CHN1: variants seen among roughly 807,000 people sequenced by gnomAD.
CHN1 encodes chimerin 1.
In CHN1, 37 loss-of-function variants were observed where a neutral mutation model predicts 59.5. That is an observed-to-expected ratio of 0.62 (90% CI 0.48 to 0.82). The LOEUF (loss-of-function observed/expected upper bound fraction) is 0.82, where lower values mean the gene tolerates loss of function less well. Ranked by LOEUF, CHN1 falls within the 40% of genes least tolerant of loss-of-function variation. The pLI is 0.00. For missense variants in CHN1, 469 were observed against 571.0 expected (o/e 0.82, Z 1.82); for synonymous variants, 206 against 200.4 (o/e 1.03, Z -0.24).
chr2:174,953,484 T>A (rs1299071508), intron 1 of CHN1, among the ~76,000 whole-genome samples: 2 of 152,184 alleles, frequency 1.3e-5, no homozygotes, highest in Non-Finnish European at 2.9e-5. Context: ...TAAGTCAAAC[T>A]GTTGTTGTTT....
At chr2:174,936,337 T>C (rs1689494298) in intron 3 of CHN1, among the ~76,000 whole-genome samples, 1 of 152,236 alleles carries the variant, frequency 6.6e-6, no homozygotes, top group South Asian at 2.1e-4. Context: ...TGTTTAATAA[T>C]GGTCCAGTGC....
intron 7 of CHN1, among the ~76,000 whole-genome samples, chr2:174,841,271 G>A (rs1686291614): frequency 6.6e-6 from 1 of 152,114 alleles, no homozygotes; most frequent in South Asian, 2.1e-4. Context: ...CAAACCATAA[G>A]GCCAGGCAGG....
intron 6 of CHN1, among the ~76,000 whole-genome samples, chr2:174,872,814 C>T (rs1004719162): frequency 6.6e-6 from 1 of 152,136 alleles, no homozygotes; most frequent in Non-Finnish European, 1.5e-5. Flanking sequence ...CAGGAATGGG[C>T]ACCTGGTTGG....
chr2:174,869,513 G>A (rs1481505654), intron 6 of CHN1, among the ~76,000 whole-genome samples: 1 of 152,062 alleles, frequency 6.6e-6, no homozygotes, highest in East Asian at 1.9e-4. Context: ...GGGTCTGGGT[G>A]GGGGTAAGAT....
At chr2:174,938,627 A>G (rs1689568998) in intron 3 of CHN1, among the ~76,000 whole-genome samples, 1 of 152,216 alleles carries the variant, frequency 6.6e-6, no homozygotes, top group South Asian at 2.1e-4. Flanking sequence ...TAATTTCCAA[A>G]GTAAAGACAT....
intron 1 of CHN1, among the ~76,000 whole-genome samples, chr2:174,953,779 A>G (rs1690101338): frequency 6.6e-6 from 1 of 152,238 alleles, no homozygotes; most frequent in South Asian, 2.1e-4. Context: ...AACACTACTG[A>G]AAGAAATCAT....
intron 3 of CHN1, among the ~76,000 whole-genome samples, chr2:174,927,926 G>C (rs1689224270): frequency 6.6e-6 from 1 of 151,784 alleles, no homozygotes; most frequent in Non-Finnish European, 1.5e-5. Flanking sequence ...TTTTTTTTCA[G>C]GTAACAGTCT....
intron 5 of CHN1, among the ~76,000 whole-genome samples, chr2:174,912,255 T>C (rs1189507317): frequency 1.3e-5 from 2 of 152,248 alleles, no homozygotes; most frequent in Non-Finnish European, 2.9e-5. Flanking sequence ...AATATGTATT[T>C]GATACGAAGT....
intron 11 of CHN1, among the ~76,000 whole-genome samples, chr2:174,807,116 G>A (rs1684907871): frequency 6.6e-6 from 1 of 152,176 alleles, no homozygotes; most frequent in Non-Finnish European, 1.5e-5. Flanking sequence ...GATGACAAAT[G>A]ATTTGGAAGG....
chr2:175,002,212 G>A (rs1029419949), intron 1 of CHN1, among the ~76,000 whole-genome samples: 2 of 152,220 alleles, frequency 1.3e-5, no homozygotes, highest in African/African-American at 2.4e-5. Flanking sequence ...ATAATGAGAT[G>A]TGAGTTCATT....
chr2:174,932,719 G>A (rs1391131282), intron 3 of CHN1, among the ~76,000 whole-genome samples: 6 of 152,118 alleles, frequency 3.9e-5, no homozygotes, highest in Non-Finnish European at 7.4e-5. Flanking sequence ...GAGTTCTCAC[G>A]AGATTTGGTT....
chr2:174,809,522 G>C (rs187008864), intron 10 of CHN1, among the ~76,000 whole-genome samples: 223 of 152,322 alleles, frequency 1.5e-3, no homozygotes, highest in Non-Finnish European at 5.3e-4. Flanking sequence ...ATTTAAACAA[G>C]CTAGGGGCCT....
chr2:174,878,162 A>T (rs1275678203), intron 5 of CHN1, 34 bp from the exon 6 acceptor site: 1 of 1,507,644 alleles, frequency 6.6e-7, no homozygotes, highest in African/African-American at 1.4e-5. Flanking sequence ...TGTTTTTAAG[A>T]AAAGTAAGCA....
chr2:174,970,620 G>A (rs558075880), intron 1 of CHN1, among the ~76,000 whole-genome samples: 1 of 152,260 alleles, frequency 6.6e-6, no homozygotes, highest in South Asian at 2.1e-4. Context: ...ATAAATCAAT[G>A]AATATTTTTG....
At chr2:174,916,975 T>C (rs979603597) in intron 4 of CHN1, among the ~76,000 whole-genome samples, 1 of 152,230 alleles carries the variant, frequency 6.6e-6, no homozygotes, top group Non-Finnish European at 1.5e-5. Context: ...GTGGATCAAC[T>C]GAGGTCAGGA....
At chr2:174,972,980 T>C (rs1353826326) in intron 1 of CHN1, among the ~76,000 whole-genome samples, 1 of 152,236 alleles carries the variant, frequency 6.6e-6, no homozygotes, top group Non-Finnish European at 1.5e-5. Context: ...TCTATCCTCA[T>C]TTTATATCAA....
At chr2:174,955,333 G>A (rs1690172635) in intron 1 of CHN1, among the ~76,000 whole-genome samples, 1 of 151,774 alleles carries the variant, frequency 6.6e-6, no homozygotes, top group South Asian at 2.1e-4. Flanking sequence ...CAGTTCAGGT[G>A]AACTTACCCA....
At chr2:174,883,997 T>G (rs1460350080) in intron 5 of CHN1, among the ~76,000 whole-genome samples, 1 of 144,656 alleles carries the variant, frequency 6.9e-6, no homozygotes, top group African/African-American at 2.6e-5. Flanking sequence ...AGACGTAGTC[T>G]CGCTCTGTCG....
intron 5 of CHN1, among the ~76,000 whole-genome samples, chr2:174,902,032 C>T (rs535687193): frequency 4.3e-4 from 66 of 152,168 alleles, no homozygotes; most frequent in Middle Eastern, 3.4e-3. Flanking sequence ...CTGTATAACT[C>T]GGGAAAATGC....
Sources: allele counts gnomAD v4.1 joint callset (sites outside exome capture counted in the v4.1 genomes callset), GRCh38; gene constraint gnomAD v4.1.1; transcripts MANE v1.5; gene names NCBI Gene and HGNC (gene_info 2026-07-23, HGNC 2026-07-21).